R3HDM1: variants seen among roughly 807,000 people sequenced by gnomAD.
The protein encoded by R3HDM1 is R3H domain-containing protein 1.
In R3HDM1, 46 loss-of-function variants were observed where a neutral mutation model predicts 141.1. That is an observed-to-expected ratio of 0.33 (90% CI 0.26 to 0.42). The LOEUF is 0.42. R3HDM1 is among the 10% of genes least tolerant of loss of function. The pLI is 1.00. For synonymous variants in R3HDM1, 435 were observed against 472.9 expected (o/e 0.92, Z 1.04); for missense variants, 1,184 against 1,368.3 (o/e 0.87, Z 2.12).
chr2:135,669,682 A>C (rs1003442918), intron 19 of R3HDM1: 2 of 671,664 alleles, frequency 3.0e-6, no homozygotes, highest in Admixed American at 6.3e-5. Context: ...GATCATAGAG[A>C]AGGTATGAAC....
At chr2:135,674,528 G>A (rs2068853765) in intron 19 of R3HDM1, among the ~76,000 whole-genome samples, 1 of 152,066 alleles carries the variant, frequency 6.6e-6, no homozygotes, top group Non-Finnish European at 1.5e-5. Context: ...ATCCTCTTAG[G>A]ATCAGGAGAC....
chr2:135,702,555 A>G (rs2074367888), intron 21 of R3HDM1, among the ~76,000 whole-genome samples: 1 of 151,338 alleles, frequency 6.6e-6, no homozygotes, highest in South Asian at 2.1e-4. Context: ...CAGCTACAGC[A>G]GGAAAATGGC....
intron 18 of R3HDM1, among the ~76,000 whole-genome samples, chr2:135,658,491 C>T (rs187928839): frequency 1.1e-3 from 170 of 152,002 alleles, no homozygotes; most frequent in Non-Finnish European, 1.8e-3. Context: ...AATGGAACAC[C>T]GATATAGTGC....
At chr2:135,658,684 CTT>C in intron 18 of R3HDM1, among the ~76,000 whole-genome samples, 1 of 152,222 alleles carries the variant, frequency 6.6e-6, no homozygotes, top group South Asian at 2.1e-4. Flanking sequence ...ACTTTATAAA[CTT>C]TTTAATTCTT....
chr2:135,640,074 G>A (rs978523394), intron 14 of R3HDM1, among the ~76,000 whole-genome samples: 1 of 151,728 alleles, frequency 6.6e-6, no homozygotes, highest in Non-Finnish European at 1.5e-5. Context: ...ACTCCAGCCT[G>A]GGCAACAGAG....
intron 1 of R3HDM1, among the ~76,000 whole-genome samples, chr2:135,533,590 T>A (rs1192808059): frequency 6.6e-6 from 1 of 152,180 alleles, no homozygotes; most frequent in South Asian, 2.1e-4. Context: ...GAGATAAATA[T>A]ATAATAGTGG....
intron 7 of R3HDM1, among the ~76,000 whole-genome samples, chr2:135,623,840 TAAAAC>T (rs1242131777): frequency 6.6e-6 from 1 of 152,158 alleles, no homozygotes; most frequent in East Asian, 1.9e-4. Flanking sequence ...ATAATTAAAA[TAAAAC>T]AAATGTAAAA....
intron 5 of R3HDM1, chr2:135,620,616 T>C (rs2061434394): frequency 3.1e-6 from 3 of 980,842 alleles, no homozygotes; most frequent in Non-Finnish European, 3.6e-6. Context: ...TTGATGGTTT[T>C]CTTGACTATA....
intron 21 of R3HDM1, among the ~76,000 whole-genome samples, chr2:135,682,120 G>T (rs2105357660): frequency 6.7e-6 from 1 of 149,908 alleles, no homozygotes; most frequent in African/African-American, 2.5e-5. Context: ...AGAAATCTGT[G>T]CTAAAGTAGG....
intron 18 of R3HDM1, among the ~76,000 whole-genome samples, chr2:135,654,579 G>A (rs2065561581): frequency 6.6e-6 from 1 of 152,080 alleles, no homozygotes; most frequent in South Asian, 2.1e-4. Flanking sequence ...CCCCCGAGTA[G>A]CTGGGATTAC....
chr2:135,713,745 G>C (rs1205317790), intron 23 of R3HDM1, among the ~76,000 whole-genome samples: 2 of 152,160 alleles, frequency 1.3e-5, no homozygotes, highest in South Asian at 4.1e-4. Context: ...CAGAGTTGGT[G>C]CAGGGAAAGT....
rs1355510233 is a variant in R3HDM1 at position 135,650,021 on chromosome 2, A to C, written c.1725+18A>C. On this transcript the variant is annotated intron_variant, in intron 17 of 26. Coordinates refer to ENST00000683871, the MANE Select transcript of R3HDM1 (RefSeq NM_001378107.1). ...ACTCTGTGGTACTATATCTCTATTC[A>C]CCTCCTGCGTTGTTTCTGTGGGTGG... 1.6e-6 allele frequency: 2 copies of C among 1,224,008 alleles called. No homozygotes were observed. Among genetic ancestry groups the C allele is most frequent in the Non-Finnish European group, 1.1e-6 (1 of 946,312 alleles). The allele number at this position is 1,224,008 out of a possible 1,614,324, so 75.8% of individuals were successfully genotyped here.
At chr2:135,715,356 A>G (rs927586679) in intron 23 of R3HDM1, among the ~76,000 whole-genome samples, 194 bp from the exon 24 acceptor site, 15 of 152,224 alleles carry the variant, frequency 9.9e-5, no homozygotes, top group African/African-American at 3.6e-4. Context: ...TGGGCAACAG[A>G]GTGAGACTCC....
chr2:135,680,432 C>G (rs2070064956), intron 21 of R3HDM1, 108 bp downstream of exon 21: 2 of 1,248,650 alleles, frequency 1.6e-6, no homozygotes, highest in South Asian at 1.4e-5. Flanking sequence ...AGAACATTCT[C>G]TAATGTAGAA....
intron 1 of R3HDM1, among the ~76,000 whole-genome samples, chr2:135,551,349 A>G (rs2104928644): frequency 6.6e-6 from 1 of 152,342 alleles, no homozygotes; most frequent in Non-Finnish European, 1.5e-5. Flanking sequence ...AAGGAAAGAG[A>G]ATTATAAAAG....
intron 1 of R3HDM1, among the ~76,000 whole-genome samples, chr2:135,570,955 A>C (rs1227741781): frequency 6.6e-6 from 1 of 152,222 alleles, no homozygotes; most frequent in African/African-American, 2.4e-5. Context: ...GACTTGATCA[A>C]AAATTGCATT....
At chr2:135,556,846 C>A (rs1027309557) in intron 1 of R3HDM1, among the ~76,000 whole-genome samples, 2 of 151,916 alleles carry the variant, frequency 1.3e-5, no homozygotes, top group Non-Finnish European at 2.9e-5. Flanking sequence ...GCAACACTTA[C>A]TAGAATTCAT....
chr2:135,545,847 T>C (rs1698580206), intron 1 of R3HDM1, among the ~76,000 whole-genome samples: 1 of 152,228 alleles, frequency 6.6e-6, no homozygotes, highest in Non-Finnish European at 1.5e-5. Context: ...CCATAGTTTT[T>C]CTTAAACAAA....
At chr2:135,531,962 C>T (rs1035105694) in intron 1 of R3HDM1, among the ~76,000 whole-genome samples, 5 of 152,214 alleles carry the variant, frequency 3.3e-5, no homozygotes, top group African/African-American at 1.2e-4. Context: ...CCCTCGAGGC[C>T]TAGCGGAGGA....
Sources: gnomAD v4.1 joint callset for allele counts (sites outside exome capture counted in the v4.1 genomes callset) on GRCh38, gnomAD v4.1.1 for gene constraint, MANE v1.5 for transcripts, NCBI Gene and HGNC (gene_info 2026-07-23, HGNC 2026-07-21) for gene names.